Variants in DCHS2 observed in about 807,000 individuals in gnomAD.
DCHS2 encodes the protein protocadherin-23.
DCHS2 carries 142 observed loss-of-function variants against 182.4 expected under a neutral mutation model. The observed-to-expected ratio is 0.78, with a 90% CI of 0.68 to 0.89. DCHS2 has a LOEUF of 0.89. Among genes scored for constraint, DCHS2 ranks in the 40% least tolerant of loss-of-function variants. The probability of loss-of-function intolerance (pLI) is 0.00; values close to 1 mark genes in which losing one functional copy is unlikely to be tolerated. For missense variants in DCHS2, 4,319 were observed against 4,198.6 expected (o/e 1.03, Z -0.79); for synonymous variants, 1,740 against 1,663.3 (o/e 1.05, Z -1.12).
At position 154,489,900 on chromosome 4, in the gene DCHS2, G is replaced by A. The variant is rs1579132788; in HGVS notation, c.1456C>T (p.Pro486Ser). ...TCCACGCAAAGGAAAAATACCCCTGGGGGGCCGCCGGGTAGCAACGCGAAG... is the reference window on the plus strand; with the variant it reads ...TCCACGCAAAGGAAAAATACCCCTGAGGGGCCGCCGGGTAGCAACGCGAAG... ...GDFALLPGGP[P>S]GVFFLCVEGP... Residue 486 changes from proline to serine, a missense_variant, in exon 1 of 20, where the codon CCA becomes TCA. Transcript: ENST00000357232. 11 of 1,539,820 alleles carry A rather than the reference G, an allele frequency of 7.1e-6. No homozygotes were observed. The highest frequency in any genetic ancestry group is 1.2e-5 in the South Asian group (1 of 83,002).
intron 13 of DCHS2, among the ~76,000 whole-genome samples, chr4:154,297,607 T>C (rs1734983536): frequency 6.6e-6 from 1 of 152,200 alleles, no homozygotes. Flanking sequence ...CTTTTCTAAC[T>C]GAATCTTTAA....
chr4:154,351,519 T>C (rs1251250801), intron 3 of DCHS2, among the ~76,000 whole-genome samples: 1 of 152,194 alleles, frequency 6.6e-6, no homozygotes, highest in African/African-American at 2.4e-5. Context: ...TTCTTCTGAA[T>C]AGATGCCTTC....
intron 6 of DCHS2, among the ~76,000 whole-genome samples, chr4:154,329,224 G>GA (rs1378253286): frequency 6.6e-6 from 1 of 152,096 alleles, no homozygotes; most frequent in African/African-American, 2.4e-5. Context: ...TAAACTACTG[G>GA]AAAAACAAGC....
At chr4:154,359,985 T>G (rs964160256) in intron 3 of DCHS2, among the ~76,000 whole-genome samples, 1 of 152,070 alleles carries the variant, frequency 6.6e-6, no homozygotes, top group African/African-American at 2.4e-5. Flanking sequence ...TTAGTGTTTT[T>G]TTTTAAGTCA....
At chr4:154,297,780 A>G (rs1015966942) in intron 13 of DCHS2, 71 bp downstream of exon 13, 1 of 1,529,144 alleles carries the variant, frequency 6.5e-7, no homozygotes, top group Admixed American at 2.2e-5. Flanking sequence ...GCACTCTTGT[A>G]GTATAATCCG....
chr4:154,321,216 G>A lies in DCHS2; in HGVS notation c.4183C>T (p.Pro1395Ser), dbSNP rs370753366. ...GQAVVNIQVI[P>S]LSKGRAIMSQ... ...ATGATTGCTCTCCCTTTGGATAGTG[G>A]GATCACCTGAAATACGAATAAAAGA... is the stretch of plus-strand genomic sequence containing the variant. Residue 1395 changes from proline to serine, a missense_variant, in exon 9 of 20, where the codon CCA becomes TCA. Coordinates refer to ENST00000357232, the MANE Select transcript of DCHS2 (RefSeq NM_001358235.2). The A allele has an allele frequency of 2.4e-5, 36 of 1,511,876 alleles. No individual in the cohort carries two copies. In the African/African-American group the frequency reaches 4.3e-4, roughly 18 times the overall value. The allele number at this position is 1,511,876 out of a possible 1,614,324, so 93.7% of individuals were successfully genotyped here.
chr4:154,270,050 TA>T, intron 13 of DCHS2, 37 bp from the exon 14 acceptor site: 2 of 1,562,288 alleles, frequency 1.3e-6, no homozygotes, highest in South Asian at 1.2e-5. Context: ...TCCATTAGGA[TA>T]AAAAAATTTC....
At chr4:154,366,096 T>A in intron 3 of DCHS2, 114 bp downstream of exon 3, 1 of 732,498 alleles carries the variant, frequency 1.4e-6, no homozygotes, top group Non-Finnish European at 2.3e-6. Context: ...GTTAAGTGAG[T>A]CCTGCAACAC....
At chr4:154,347,251 C>A (rs904866106) in intron 3 of DCHS2, among the ~76,000 whole-genome samples, 1 of 148,870 alleles carries the variant, frequency 6.7e-6, no homozygotes. Context: ...CCTACATAAA[C>A]CTGGCATCCT....
chr4:154,364,850 A>T (rs1036758489), intron 3 of DCHS2, among the ~76,000 whole-genome samples: 1 of 152,224 alleles, frequency 6.6e-6, no homozygotes, highest in Non-Finnish European at 1.5e-5. Flanking sequence ...TTACCATTAC[A>T]ATAGAAACAC....
chr4:154,302,924 T>A (rs1735267124), intron 12 of DCHS2, among the ~76,000 whole-genome samples: 2 of 123,266 alleles, frequency 1.6e-5, no homozygotes, highest in Admixed American at 1.8e-4. Flanking sequence ...ATATATGAAA[T>A]AGATATACGT....
chr4:154,392,129 C>T (rs1659060935), intron 1 of DCHS2, among the ~76,000 whole-genome samples: 1 of 152,128 alleles, frequency 6.6e-6, no homozygotes, highest in Non-Finnish European at 1.5e-5. Flanking sequence ...AAGGGCCAGC[C>T]TCTTCCCACT....
intron 1 of DCHS2, among the ~76,000 whole-genome samples, chr4:154,477,923 A>G (rs1169061259): frequency 6.6e-6 from 1 of 152,220 alleles, no homozygotes; most frequent in Non-Finnish European, 1.5e-5. Context: ...AGGGTGGGAA[A>G]TATTATCAGC....
intron 1 of DCHS2, among the ~76,000 whole-genome samples, chr4:154,453,540 T>C (rs889938934): frequency 6.6e-6 from 1 of 152,114 alleles, no homozygotes; most frequent in African/African-American, 2.4e-5. Context: ...CTAAACATGT[T>C]GGGGCTGGGC....
chr4:154,234,469 G>A lies in DCHS2; in HGVS notation c.*67C>T. On this transcript the variant is annotated 3_prime_UTR_variant, in exon 20 of 20. Transcript: ENST00000357232. ...AAAATGAGCCCAATCTCGAGTTGCT[G>A]GCTTGAAAACATTTTGTTCATTCAT... is the stretch of plus-strand genomic sequence containing the variant. The A allele has an allele frequency of 6.9e-7, 1 of 1,449,682 alleles. No individual in the cohort carries two copies. The highest frequency in any genetic ancestry group is 9.1e-7 in the Non-Finnish European group (1 of 1,098,466). 89.8% of individuals were successfully genotyped at this position (1,449,682 alleles called of 1,614,324 possible). A position where few individuals can be genotyped will look rare whatever the true frequency, so the allele number is the denominator to read the frequency against.
chr4:154,428,899 G>A (rs964536964), intron 1 of DCHS2, among the ~76,000 whole-genome samples: 5 of 151,314 alleles, frequency 3.3e-5, no homozygotes, highest in Admixed American at 2.0e-4. Flanking sequence ...GACAGAGCGA[G>A]ACTCCATCTC....
intron 3 of DCHS2, chr4:154,357,155 G>T: frequency 9.5e-7 from 1 of 1,049,832 alleles, no homozygotes; most frequent in Non-Finnish European, 1.5e-6. Flanking sequence ...TCATATAGGT[G>T]CTTTCATGGC....
At position 154,236,237 on chromosome 4, in the gene DCHS2, G is replaced by T. The variant is rs142781136; in HGVS notation, c.8415C>A (p.Thr2805=). 1.4e-5 allele frequency: 23 copies of T among 1,613,788 alleles called. No homozygotes were observed. The highest frequency in any genetic ancestry group is 2.2e-5 in the East Asian group (1 of 44,858). The change falls in exon 20 of 20, where the codon ACC becomes ACA. Residue 2805 remains threonine, a synonymous_variant. Transcript: ENST00000357232. ...DFDAGPYGEL[T]YSIVSPCFLT... is the part of the protein sequence containing the mutation. Reference sequence around the variant, plus strand: ...GAAAACAGGGTGATACAATAGAATAGGTCAATTCTCCATACGGACCAGCAT... The same window carrying T: ...GAAAACAGGGTGATACAATAGAATATGTCAATTCTCCATACGGACCAGCAT...
chr4:154,274,457 C>T (rs986521650), intron 13 of DCHS2, among the ~76,000 whole-genome samples: 2 of 152,128 alleles, frequency 1.3e-5, no homozygotes, highest in African/African-American at 4.8e-5. Context: ...TAGTTGAAGA[C>T]TGATCTCATC....
Sources: allele counts gnomAD v4.1 joint callset (sites outside exome capture counted in the v4.1 genomes callset), GRCh38; gene constraint gnomAD v4.1.1; transcripts MANE v1.5; gene names NCBI Gene and HGNC (gene_info 2026-07-23, HGNC 2026-07-21).